Variants in CCBE1 observed in about 807,000 individuals in gnomAD.
CCBE1 encodes the protein collagen and calcium binding EGF domains 1, also known as collagen and calcium-binding EGF domain-containing protein 1.
In CCBE1, 37 loss-of-function variants were observed where a neutral mutation model predicts 50.0. The ratio of observed to expected loss-of-function variants is 0.74; its 90% CI spans 0.57 to 0.97. The LOEUF is 0.97. Among genes scored for constraint, CCBE1 ranks in the 50% least tolerant of loss-of-function variants. The pLI is 0.00. For missense variants in CCBE1, 538 were observed against 523.8 expected, an observed-to-expected ratio of 1.03 and a Z score of -0.26; for synonymous variants, 234 against 203.7, an observed-to-expected ratio of 1.15 and a Z score of -1.27.
rs185900565 is a variant in CCBE1 at position 59,498,464 on chromosome 18, C to T, written c.213-18226G>A. On this transcript the variant is annotated intron_variant, in intron 2 of 10. Coordinates refer to ENST00000439986, the MANE Select transcript of CCBE1 (RefSeq NM_133459.4). Reference sequence around the variant, plus strand: ...TACTACCCTGTAGATTCAGTCCATACCATATTGAGACTTGCATTCTAACAG... The same window carrying T: ...TACTACCCTGTAGATTCAGTCCATATCATATTGAGACTTGCATTCTAACAG... Among the ~76,000 whole-genome samples, 9 of 152,220 alleles carry T rather than the reference C, an allele frequency of 5.9e-5. No homozygotes were observed. In the East Asian group the frequency reaches 1.7e-3, roughly 29 times the overall value.
intron 2 of CCBE1, among the ~76,000 whole-genome samples, chr18:59,539,331 A>T (rs1915379008): frequency 6.6e-6 from 1 of 152,194 alleles, no homozygotes; most frequent in African/African-American, 2.4e-5. Context: ...CATTTCAAGG[A>T]ACTGAGAGTG....
chr18:59,528,596 A>G (rs1914922609), intron 2 of CCBE1, among the ~76,000 whole-genome samples: 1 of 152,062 alleles, frequency 6.6e-6, no homozygotes, highest in African/African-American at 2.4e-5. Context: ...CTCAATTTTC[A>G]TGAGTTCATC....
intron 6 of CCBE1, among the ~76,000 whole-genome samples, chr18:59,454,606 C>T (rs1012025195): frequency 3.9e-5 from 6 of 152,192 alleles, no homozygotes; most frequent in African/African-American, 1.4e-4. Context: ...GGCTTTGCCA[C>T]GTGTCCCTTA....
At chr18:59,466,985 A>G (rs570634537) in intron 4 of CCBE1, 94 bp from the exon 5 acceptor site, 3 of 1,135,350 alleles carry the variant, frequency 2.6e-6, no homozygotes, top group South Asian at 2.5e-5. Flanking sequence ...GTTAATAACA[A>G]TGAAGGACAC....
At chr18:59,521,210 G>C (rs930283538) in intron 2 of CCBE1, among the ~76,000 whole-genome samples, 24 of 152,146 alleles carry the variant, frequency 1.6e-4, no homozygotes, top group African/African-American at 4.6e-4. Flanking sequence ...TGAAAATTAA[G>C]AGCCAAATTC....
chr18:59,635,750 C>T (rs1471538196), intron 2 of CCBE1, among the ~76,000 whole-genome samples: 2 of 151,156 alleles, frequency 1.3e-5, no homozygotes, highest in Non-Finnish European at 2.9e-5. Context: ...AAAAAAAAAG[C>T]TCAAGATAGG....
chr18:59,575,657 A>G (rs1044158353), intron 2 of CCBE1, among the ~76,000 whole-genome samples: 2 of 152,238 alleles, frequency 1.3e-5, no homozygotes, highest in African/African-American at 4.8e-5. Flanking sequence ...AGTTCGCTGC[A>G]AAGTTCTCAT....
intron 2 of CCBE1, among the ~76,000 whole-genome samples, chr18:59,613,863 GTTTTTTTTTT>G (rs34847608): frequency 4.1e-5 from 4 of 98,448 alleles, no homozygotes; most frequent in East Asian, 3.2e-4. Context: ...TCTCTGATGG[GTTTTTTTTTT>G]TTTTTTTTTT....
At position 59,632,435 on chromosome 18, in the gene CCBE1, G is replaced by T. The variant is rs2053861472; in HGVS notation, c.212+64194C>A. ...ATTACAGGCATCCGCCACCATGCCT[G>T]GCTAATTTTTGTATTTTTAGTACAG... On this transcript the variant is annotated intron_variant, in intron 2 of 10. Transcript: ENST00000439986. Among the ~76,000 whole-genome samples the T allele has an allele frequency of 2.6e-5, 4 of 152,084 alleles. No homozygotes were observed. The South Asian group carries it at 8.3e-4, about 32-fold the overall frequency.
At chr18:59,533,910 AC>A (rs1430244265) in intron 2 of CCBE1, among the ~76,000 whole-genome samples, 1 of 152,266 alleles carries the variant, frequency 6.6e-6, no homozygotes, top group African/African-American at 2.4e-5. Context: ...CTAAATAAGC[AC>A]AAATGTACTT....
intron 7 of CCBE1, among the ~76,000 whole-genome samples, chr18:59,441,951 C>G (rs779489041): frequency 5.3e-5 from 8 of 152,196 alleles, no homozygotes; most frequent in Non-Finnish European, 8.8e-5. Flanking sequence ...AAAGCTCTAA[C>G]TCCTCAGCAT....
intron 2 of CCBE1, among the ~76,000 whole-genome samples, chr18:59,617,345 G>A (rs540459155): frequency 7.5e-4 from 115 of 152,328 alleles, no homozygotes; most frequent in Non-Finnish European, 1.3e-3. Context: ...CCTAGTCTTA[G>A]ATTCTTTGTT....
At chr18:59,559,846 G>T (rs2052709017) in intron 2 of CCBE1, among the ~76,000 whole-genome samples, 1 of 152,200 alleles carries the variant, frequency 6.6e-6, no homozygotes, top group Non-Finnish European at 1.5e-5. Flanking sequence ...GATATTCTGG[G>T]GGTGGATGTT....
rs1404368613 is a variant in CCBE1, at chr18:59,518,012, T to C, written c.213-37774A>G. Among the ~76,000 whole-genome samples, 5 of 152,258 alleles carry C rather than the reference T, an allele frequency of 3.3e-5. No individual in the cohort carries two copies. The East Asian group carries it at 9.6e-4, about 29-fold the overall frequency. On this transcript the variant is annotated intron_variant, in intron 2 of 10. Transcript: ENST00000439986. ...CCCAGCTGGGCAATTCTCTGGGAAGTTGGGGGCGGAGGAAACTTGCACCCA... is the reference window on the plus strand; with the variant it reads ...CCCAGCTGGGCAATTCTCTGGGAAGCTGGGGGCGGAGGAAACTTGCACCCA...
intron 2 of CCBE1, among the ~76,000 whole-genome samples, chr18:59,541,179 A>AG (rs1915451819): frequency 3.9e-5 from 6 of 152,236 alleles, no homozygotes; most frequent in Admixed American, 3.3e-4. Context: ...ATTGTTTAGT[A>AG]GGATGATGTT....
At chr18:59,659,887 A>G (rs990921178) in intron 2 of CCBE1, among the ~76,000 whole-genome samples, 1 of 152,176 alleles carries the variant, frequency 6.6e-6, no homozygotes, top group African/African-American at 2.4e-5. Context: ...CAGAGCTCAG[A>G]GGTCCCCCCT....
intron 2 of CCBE1, among the ~76,000 whole-genome samples, chr18:59,659,011 T>C (rs955680347): frequency 6.6e-6 from 1 of 152,102 alleles, no homozygotes; most frequent in Non-Finnish European, 1.5e-5. Context: ...AATCTCCATT[T>C]CCATCAGCAC....
rs149519781 is a variant in CCBE1, at chr18:59,688,624, G to A, written c.212+8005C>T. Reference sequence around the variant, plus strand: ...GCTTGTCATGGAAAGCCATAGAAAGGCAGCAGGAAGTGAGTGCTCAATCAA... The same window carrying A: ...GCTTGTCATGGAAAGCCATAGAAAGACAGCAGGAAGTGAGTGCTCAATCAA... On this transcript the variant is annotated intron_variant, in intron 2 of 10. Transcript: ENST00000439986. Among the ~76,000 whole-genome samples the A allele has an allele frequency of 3.9e-5, 6 of 152,298 alleles. No homozygotes were observed. In the East Asian group the frequency reaches 1.2e-3, roughly 29 times the overall value.
chr18:59,568,972 C>G (rs1411018789), intron 2 of CCBE1, among the ~76,000 whole-genome samples: 1 of 152,242 alleles, frequency 6.6e-6, no homozygotes, highest in South Asian at 2.1e-4. Flanking sequence ...TGTGCTCTCA[C>G]CCACTACCTT....
Sources: gnomAD v4.1 joint callset for allele counts (sites outside exome capture counted in the v4.1 genomes callset) on GRCh38, gnomAD v4.1.1 for gene constraint, MANE v1.5 for transcripts, NCBI Gene and HGNC (gene_info 2026-07-23, HGNC 2026-07-21) for gene names.